DYTN: variants seen among roughly 807,000 people sequenced by gnomAD.
The protein encoded by DYTN is dystrotelin.
Under a neutral mutation model 69.6 loss-of-function variants are expected in DYTN, and 75 were observed. That is an observed-to-expected ratio of 1.08 (90% CI 0.89 to 1.31). The LOEUF is 1.31. Ranked by LOEUF, DYTN falls within the 50% of genes most tolerant of loss-of-function variation. DYTN has a pLI of 0.00. For synonymous variants in DYTN, 252 were observed against 249.1 expected, an observed-to-expected ratio of 1.01 and a Z score of -0.11; for missense variants, 726 against 688.4, an observed-to-expected ratio of 1.05 and a Z score of -0.61.
intron 1 of DYTN, among the ~76,000 whole-genome samples, chr2:206,717,065 CA>C (rs1700136784): frequency 6.6e-6 from 1 of 151,862 alleles, no homozygotes; most frequent in Non-Finnish European, 1.5e-5. Context: ...CACACACACA[CA>C]CACACACACA....
At chr2:206,679,093 C>G (rs1031624963) in intron 9 of DYTN, 8 of 152,146 alleles carry the variant, frequency 5.3e-5, no homozygotes, top group East Asian at 1.9e-4. Flanking sequence ...TTGGAGGCAC[C>G]TGTGGCTGCT....
rs777783195 is a variant in DYTN, at chr2:206,662,918, G to T, written c.1618C>A (p.Leu540Ile). 6.2e-7 allele frequency: 1 copy of T among 1,612,794 alleles called. No individual in the cohort carries two copies. The highest frequency in any genetic ancestry group is 8.5e-7 in the Non-Finnish European group (1 of 1,179,560). ...LLSKLMDAFN[L>I]ETPSGPESSV... The stretch of plus-strand genomic sequence containing the variant: ...AAAACCTTACCTGATGGCGTTTCTA[G>T]ATTGAAGGCATCCATAAGTTTTGAC... The change falls in exon 11 of 12, where the codon CTA becomes ATA. Residue 540 changes from leucine (L) to isoleucine (I), a missense_variant. Physicochemically the swap from Leu to Ile is conservative, Grantham distance 5 (BLOSUM62 2). Coordinates refer to ENST00000452335, the MANE Select transcript of DYTN (RefSeq NM_001093730.1).
intron 11 of DYTN, 40 bp from the exon 12 acceptor site, chr2:206,651,961 C>A (rs1190206398): frequency 6.4e-7 from 1 of 1,554,314 alleles, no homozygotes; most frequent in South Asian, 1.2e-5. Flanking sequence ...GAGAAACATA[C>A]CGGTAGCTTC....
chr2:206,653,539 C>A (rs910855464), intron 11 of DYTN, among the ~76,000 whole-genome samples: 2 of 152,152 alleles, frequency 1.3e-5, no homozygotes, highest in Admixed American at 1.3e-4. Flanking sequence ...TCGAATAAAT[C>A]AGGGATGTGA....
intron 4 of DYTN, 38 bp downstream of exon 4, chr2:206,705,750 A>G: frequency 1.3e-6 from 2 of 1,598,758 alleles, no homozygotes; most frequent in Non-Finnish European, 1.7e-6. Context: ...TTTGGGGCTC[A>G]CTGCACTTTA....
intron 11 of DYTN, among the ~76,000 whole-genome samples, chr2:206,656,971 A>T (rs566612218): frequency 1.3e-5 from 2 of 152,160 alleles, no homozygotes; most frequent in Non-Finnish European, 2.9e-5. Flanking sequence ...CATGTTGGTC[A>T]GGCTGGTCTT....
At chr2:206,655,626 G>A (rs1251621672) in intron 11 of DYTN, among the ~76,000 whole-genome samples, 1 of 142,378 alleles carries the variant, frequency 7.0e-6, no homozygotes, top group Non-Finnish European at 1.5e-5. Flanking sequence ...GTCTTGACAA[G>A]TTGCTCAGGC....
intron 4 of DYTN, 100 bp from the exon 5 acceptor site, chr2:206,705,043 A>G (rs1700012239): frequency 4.2e-6 from 4 of 953,444 alleles, no homozygotes; most frequent in Non-Finnish European, 6.5e-6. Context: ...CTATGAAAGG[A>G]AAGAGAAGGG....
At chr2:206,652,428 T>C (rs900855285) in intron 11 of DYTN, among the ~76,000 whole-genome samples, 3 of 152,126 alleles carry the variant, frequency 2.0e-5, no homozygotes, top group East Asian at 3.8e-4. Context: ...ATAATAGGAA[T>C]TGTGGTATAG....
At chr2:206,675,231 A>ATGTATATATGTAAATAAACATATATATG (rs1699673087) in intron 9 of DYTN, among the ~76,000 whole-genome samples, 1 of 146,688 alleles carries the variant, frequency 6.8e-6, no homozygotes, top group African/African-American at 2.5e-5. Context: ...TTAAATATAT[A>ATGTATATATGTAAATAAACATATATATG]TGTATATATG....
In DYTN at chr2:206,654,040, G is replaced by A. The variant is rs144342439; in HGVS notation, c.1634-2119C>T. ...ATGCCCAGTGCAAGCACAGTGCTTGGCACACAACAAATGCTTGATTAATAT... is the reference window on the plus strand; with the variant it reads ...ATGCCCAGTGCAAGCACAGTGCTTGACACACAACAAATGCTTGATTAATAT... On this transcript the variant is annotated intron_variant, in intron 11 of 11. Coordinates refer to ENST00000452335, the MANE Select transcript of DYTN (RefSeq NM_001093730.1). Among the ~76,000 whole-genome samples the A allele has an allele frequency of 3.8e-3, 582 of 152,244 alleles. 5 individuals are homozygous for A. The highest frequency in any genetic ancestry group is 0.013 in the African/African-American group (530 of 41,534).
intron 11 of DYTN, among the ~76,000 whole-genome samples, chr2:206,662,695 T>A (rs1039412265): frequency 6.6e-6 from 1 of 151,438 alleles, no homozygotes; most frequent in African/African-American, 2.4e-5. Context: ...AAGTCTTACA[T>A]GGTTTATCAC....
intron 11 of DYTN, among the ~76,000 whole-genome samples, chr2:206,652,911 A>G (rs2105884878): frequency 6.6e-6 from 1 of 152,346 alleles, no homozygotes; most frequent in East Asian, 1.9e-4. Flanking sequence ...AATTTACAAT[A>G]AACATACAGT....
chr2:206,654,152 CT>C (rs1699420794), intron 11 of DYTN, among the ~76,000 whole-genome samples: 1 of 152,210 alleles, frequency 6.6e-6, no homozygotes, highest in South Asian at 2.1e-4. Flanking sequence ...GGAAATATAT[CT>C]TTTCCCATTA....
intron 5 of DYTN, among the ~76,000 whole-genome samples, chr2:206,701,768 G>A (rs978406775): frequency 6.6e-6 from 1 of 152,078 alleles, no homozygotes; most frequent in Non-Finnish European, 1.5e-5. Context: ...AACAAGAGCA[G>A]GTTTGAAGTA....
intron 2 of DYTN, 74 bp downstream of exon 2, chr2:206,710,450 T>C: frequency 7.1e-7 from 1 of 1,417,058 alleles, no homozygotes; most frequent in Non-Finnish European, 9.7e-7. Context: ...GGGGAGTGTT[T>C]GTTTTCTCTA....
intron 11 of DYTN, among the ~76,000 whole-genome samples, chr2:206,659,378 G>T (rs1187753379): frequency 6.2e-5 from 9 of 146,138 alleles, no homozygotes; most frequent in Non-Finnish European, 4.5e-5. Flanking sequence ...GTTTCACCGT[G>T]TTAGCCAGGA....
intron 10 of DYTN, 122 bp downstream of exon 10, chr2:206,665,748 C>G: frequency 1.7e-6 from 2 of 1,192,498 alleles, no homozygotes; most frequent in East Asian, 2.5e-5. Context: ...GGTCAGGGTA[C>G]GGGGAGAAGA....
chr2:206,670,406 G>A (rs995925465), intron 9 of DYTN: 1 of 151,246 alleles, frequency 6.6e-6, no homozygotes, highest in Non-Finnish European at 1.5e-5. Context: ...TAAAATTTTT[G>A]TAGAAAATTT....
Sources: gnomAD v4.1 joint callset for allele counts (sites outside exome capture counted in the v4.1 genomes callset) on GRCh38, gnomAD v4.1.1 for gene constraint, MANE v1.5 for transcripts, NCBI Gene and HGNC (gene_info 2026-07-23, HGNC 2026-07-21) for gene names.